The following ARHGAP15 variants were observed in gnomAD, a reference collection of about 807,000 sequenced individuals.
The protein encoded by ARHGAP15 is rho GTPase-activating protein 15.
Under a neutral mutation model 63.7 loss-of-function variants are expected in ARHGAP15, and 51 were observed. The ratio of observed to expected loss-of-function variants is 0.80; its 90% confidence interval spans 0.64 to 1.01. The LOEUF is 1.01. Among genes scored for constraint, ARHGAP15 ranks in the 50% least tolerant of loss-of-function variants. ARHGAP15 has a pLI of 0.00. For missense variants in ARHGAP15, 560 were observed against 564.6 expected (o/e 0.99, Z 0.08); for synonymous variants, 191 against 193.8 (o/e 0.99, Z 0.12).
intron 6 of ARHGAP15, among the ~76,000 whole-genome samples, chr2:143,361,130 A>G (rs1686033785): frequency 7.0e-6 from 1 of 141,902 alleles, no homozygotes; most frequent in African/African-American, 2.6e-5. Flanking sequence ...TATAGACACT[A>G]GGGAGAAAGT....
At chr2:143,693,999 GAAT>G (rs1352166980) in intron 12 of ARHGAP15, among the ~76,000 whole-genome samples, 1 of 152,154 alleles carries the variant, frequency 6.6e-6, no homozygotes, top group African/African-American at 2.4e-5. Context: ...TCAGAAGAGA[GAAT>G]AATTATTTTT....
chr2:143,665,937 G>A (rs1368737322), intron 12 of ARHGAP15, among the ~76,000 whole-genome samples: 1 of 143,380 alleles, frequency 7.0e-6, no homozygotes, highest in Non-Finnish European at 1.5e-5. Context: ...ACAAATGGAA[G>A]AACATTCCAT....
At chr2:143,190,143 A>T (rs1317633256) in intron 2 of ARHGAP15, among the ~76,000 whole-genome samples, 1 of 152,242 alleles carries the variant, frequency 6.6e-6, no homozygotes. Flanking sequence ...TATTATTCAT[A>T]CAATAAATAT....
At chr2:143,349,001 T>C (rs946527915) in intron 6 of ARHGAP15, among the ~76,000 whole-genome samples, 10 of 152,144 alleles carry the variant, frequency 6.6e-5, no homozygotes, top group Non-Finnish European at 8.8e-5. Flanking sequence ...AAGAGAAATG[T>C]GGGTACTGGA....
At chr2:143,752,710 T>C (rs1686427258) in intron 13 of ARHGAP15, among the ~76,000 whole-genome samples, 1 of 152,138 alleles carries the variant, frequency 6.6e-6, no homozygotes, top group Admixed American at 6.5e-5. Context: ...GCAACAGGAT[T>C]GGGCAGAGGA....
chr2:143,488,141 C>A (rs980838374), intron 9 of ARHGAP15, among the ~76,000 whole-genome samples: 1 of 152,182 alleles, frequency 6.6e-6, no homozygotes, highest in African/African-American at 2.4e-5. Context: ...ACCAGTCACT[C>A]ATTTTGACAT....
intron 13 of ARHGAP15, among the ~76,000 whole-genome samples, chr2:143,757,440 G>A (rs1333280844): frequency 1.3e-5 from 2 of 152,154 alleles, no homozygotes; most frequent in Non-Finnish European, 2.9e-5. Flanking sequence ...CAACTTGGCA[G>A]GTGGAGATTT....
chr2:143,568,447 A>G (rs1696323503), intron 11 of ARHGAP15, among the ~76,000 whole-genome samples: 1 of 152,242 alleles, frequency 6.6e-6, no homozygotes, highest in African/African-American at 2.4e-5. Context: ...AGAAATGCAA[A>G]TAAAAACCAC....
intron 11 of ARHGAP15, among the ~76,000 whole-genome samples, chr2:143,569,178 A>G (rs889351247): frequency 1.3e-5 from 2 of 152,094 alleles, no homozygotes; most frequent in African/African-American, 4.8e-5. Flanking sequence ...AAACAAAAAA[A>G]AAGCCTAAAA....
intron 8 of ARHGAP15, among the ~76,000 whole-genome samples, chr2:143,485,753 A>G (rs891483770): frequency 1.6e-4 from 24 of 152,338 alleles, no homozygotes; most frequent in African/African-American, 5.3e-4. Flanking sequence ...ACAGGCCTCT[A>G]CAACAAAGAA....
At chr2:143,346,618 ACAG>A (rs1416180817) in intron 6 of ARHGAP15, among the ~76,000 whole-genome samples, 5 of 152,188 alleles carry the variant, frequency 3.3e-5, no homozygotes, top group Non-Finnish European at 7.4e-5. Flanking sequence ...TGATGGATAT[ACAG>A]CAGATCAAAA....
intron 6 of ARHGAP15, among the ~76,000 whole-genome samples, chr2:143,404,027 A>G (rs1688097229): frequency 1.3e-5 from 2 of 151,800 alleles, no homozygotes; most frequent in Non-Finnish European, 2.9e-5. Flanking sequence ...AATCCCCATA[A>G]TGTTAATATT....
At chr2:143,518,972 G>T (rs1289063073) in intron 9 of ARHGAP15, 2 of 198,830 alleles carry the variant, frequency 1.0e-5, no homozygotes, top group Non-Finnish European at 1.0e-5. Context: ...TCAATTCTTT[G>T]TCTTTCCTTT....
intron 8 of ARHGAP15, among the ~76,000 whole-genome samples, chr2:143,473,462 G>C (rs1031169454): frequency 6.6e-6 from 1 of 152,190 alleles, no homozygotes; most frequent in African/African-American, 2.4e-5. Context: ...GAGGGAGTCA[G>C]ATCCTGCCAG....
intron 6 of ARHGAP15, among the ~76,000 whole-genome samples, chr2:143,268,543 T>C (rs551909463): frequency 1.8e-4 from 28 of 152,288 alleles, no homozygotes; most frequent in African/African-American, 6.5e-4. Context: ...TTTTTTTCTT[T>C]AGAACAAATA....
At chr2:143,679,372 G>A (rs1348841667) in intron 12 of ARHGAP15, among the ~76,000 whole-genome samples, 1 of 152,196 alleles carries the variant, frequency 6.6e-6, no homozygotes, top group Non-Finnish European at 1.5e-5. Context: ...CTTCTGCAGA[G>A]TCAACCTGCT....
chr2:143,245,940 C>G (rs1449204327), intron 5 of ARHGAP15, among the ~76,000 whole-genome samples: 1 of 152,096 alleles, frequency 6.6e-6, no homozygotes, highest in Non-Finnish European at 1.5e-5. Context: ...GGGCCAGTCA[C>G]AGCCCCAGAA....
At chr2:143,220,215 T>C (rs1281051331) in intron 4 of ARHGAP15, among the ~76,000 whole-genome samples, 2 of 152,158 alleles carry the variant, frequency 1.3e-5, no homozygotes, top group East Asian at 1.9e-4. Context: ...TTGTCAATTT[T>C]TCTTTTATAT....
At chr2:143,166,003 AAGG>A (rs1340843193) in intron 2 of ARHGAP15, among the ~76,000 whole-genome samples, 2 of 143,464 alleles carry the variant, frequency 1.4e-5, no homozygotes, top group African/African-American at 5.2e-5. Context: ...AGAAAGAAAG[AAGG>A]AAGGAAGGAA....
Sources: allele counts gnomAD v4.1 joint callset (sites outside exome capture counted in the v4.1 genomes callset), GRCh38; gene constraint gnomAD v4.1.1; transcripts MANE v1.5; gene names NCBI Gene and HGNC (gene_info 2026-07-23, HGNC 2026-07-21).